The following TTC13 variants were observed in gnomAD, a reference collection of about 807,000 sequenced individuals.
TTC13 encodes tetratricopeptide repeat protein 13.
In TTC13, 62 loss-of-function variants were observed where a neutral mutation model predicts 120.0. The ratio of observed to expected loss-of-function variants is 0.52; its 90% CI spans 0.42 to 0.64. The LOEUF is 0.64. Ranked by LOEUF, TTC13 falls within the 30% of genes least tolerant of loss-of-function variation. TTC13 has a pLI of 0.00. For missense variants in TTC13, 824 were observed against 1,050.2 expected (o/e 0.78, Z 2.98); for synonymous variants, 384 against 393.5 (o/e 0.98, Z 0.28).
chr1:230,945,575 C>A, intron 4 of TTC13, 121 bp from the exon 5 acceptor site: 1 of 858,812 alleles, frequency 1.2e-6, no homozygotes, highest in Non-Finnish European at 2.0e-6. Context: ...GCTACGACCA[C>A]TCGTAAGTCA....
At chr1:230,977,166 G>A (rs1201083403) in intron 1 of TTC13, among the ~76,000 whole-genome samples, 1 of 152,138 alleles carries the variant, frequency 6.6e-6, no homozygotes, top group Admixed American at 6.5e-5. Context: ...CATCTAATGA[G>A]GTGGTTATTG....
intron 4 of TTC13, among the ~76,000 whole-genome samples, chr1:230,948,079 T>C (rs1301805042): frequency 6.6e-6 from 1 of 152,230 alleles, no homozygotes; most frequent in Non-Finnish European, 1.5e-5. Flanking sequence ...GTTATCTTTC[T>C]AACACTAAAG....
intron 8 of TTC13, among the ~76,000 whole-genome samples, chr1:230,935,587 C>G (rs1005064205): frequency 6.6e-6 from 1 of 151,864 alleles, no homozygotes; most frequent in Non-Finnish European, 1.5e-5. Context: ...TGGGTGGGTG[C>G]AGTGGAGAGG....
intron 11 of TTC13, among the ~76,000 whole-genome samples, chr1:230,929,439 C>T (rs1673345838): frequency 6.6e-6 from 1 of 151,788 alleles, no homozygotes; most frequent in Non-Finnish European, 1.5e-5. Context: ...CTCGGCCTCC[C>T]GAGTAGCTGG....
chr1:230,959,401 G>A (rs1472405260), intron 2 of TTC13, among the ~76,000 whole-genome samples: 1 of 148,870 alleles, frequency 6.7e-6, no homozygotes, highest in South Asian at 2.1e-4. Flanking sequence ...TTTTTTTTGA[G>A]ACAAAGTTTC....
intron 1 of TTC13, among the ~76,000 whole-genome samples, chr1:230,964,536 T>C (rs1676949589): frequency 6.6e-6 from 1 of 152,216 alleles, no homozygotes; most frequent in Non-Finnish European, 1.5e-5. Flanking sequence ...TATCCTTTGC[T>C]CATTTTTAAG....
chr1:230,954,067 C>T (rs928429963), intron 4 of TTC13, among the ~76,000 whole-genome samples: 1 of 151,966 alleles, frequency 6.6e-6, no homozygotes, highest in Non-Finnish European at 1.5e-5. Flanking sequence ...ATTTGATGGT[C>T]GGGAGACTAT....
At chr1:230,969,181 G>A (rs1381808082) in intron 1 of TTC13, among the ~76,000 whole-genome samples, 1 of 152,068 alleles carries the variant, frequency 6.6e-6, no homozygotes, top group East Asian at 1.9e-4. Flanking sequence ...AGAATGGCGT[G>A]AACCTGGGAG....
intron 20 of TTC13, 88 bp from the exon 21 acceptor site, chr1:230,909,108 G>A: frequency 9.9e-6 from 11 of 1,106,828 alleles, no homozygotes; most frequent in Non-Finnish European, 1.5e-5. Flanking sequence ...CATCATGAAA[G>A]ATAAAATTTA....
chr1:230,910,331 C>A (rs149350599), intron 20 of TTC13, among the ~76,000 whole-genome samples: 4 of 152,180 alleles, frequency 2.6e-5, no homozygotes, highest in Non-Finnish European at 5.9e-5. Flanking sequence ...CGGAAGAGAG[C>A]GGTGCTGCAG....
In TTC13 at chr1:230,928,969, G is replaced by T. The variant is rs763263774; in HGVS notation, c.1425C>A (p.Tyr475Ter). Residue 475 changes from tyrosine (Y) to a stop codon, truncating the protein, a stop_gained, in exon 12 of 23, where the codon TAC (tyrosine) becomes TAA (stop). Transcript: ENST00000366661. LOFTEE classifies it high-confidence loss of function. ...GGGGTTGCAACCCTGGCTGCTCTTC[G>T]TAGTCTTCTATGAGGAAAGGCAAAT... is the stretch of plus-strand genomic sequence containing the variant. ...AKNLPFLIED[Y>*]EEQPGLQPHI... 1.2e-6 allele frequency: 2 copies of T among 1,614,008 alleles called. No individual in the cohort carries two copies. Among genetic ancestry groups the T allele is most frequent in the Non-Finnish European group, 1.7e-6 (2 of 1,179,954 alleles).
At chr1:230,923,015 T>TA (rs937684175) in intron 15 of TTC13, among the ~76,000 whole-genome samples, 28 of 152,178 alleles carry the variant, frequency 1.8e-4, no homozygotes, top group African/African-American at 6.3e-4. Flanking sequence ...TTCTAGAAAT[T>TA]AAAAAAATAA....
intron 18 of TTC13, among the ~76,000 whole-genome samples, chr1:230,913,590 A>G (rs1223392021): frequency 6.6e-6 from 1 of 152,196 alleles, no homozygotes; most frequent in Non-Finnish European, 1.5e-5. Flanking sequence ...CCTGGCCTCA[A>G]TCTTCCCATC....
chr1:230,921,182 A>C (rs1265558337), intron 16 of TTC13, among the ~76,000 whole-genome samples: 1 of 152,248 alleles, frequency 6.6e-6, no homozygotes, highest in African/African-American at 2.4e-5. Flanking sequence ...TATAGAAGAA[A>C]GAGACTAGAA....
At chr1:230,967,197 A>C (rs1442757655) in intron 1 of TTC13, among the ~76,000 whole-genome samples, 1 of 152,130 alleles carries the variant, frequency 6.6e-6, no homozygotes, top group Non-Finnish European at 1.5e-5. Context: ...AAACTTCCAA[A>C]AAGTACTCAA....
At chr1:230,974,970 T>C (rs1288165316) in intron 1 of TTC13, among the ~76,000 whole-genome samples, 1 of 152,222 alleles carries the variant, frequency 6.6e-6, no homozygotes. Flanking sequence ...TATACTAATA[T>C]GCAACAATTA....
At chr1:230,930,818 T>C (rs988016209) in intron 11 of TTC13, among the ~76,000 whole-genome samples, 12 of 152,116 alleles carry the variant, frequency 7.9e-5, no homozygotes, top group Non-Finnish European at 1.3e-4. Context: ...CTCGGGAGGC[T>C]GAGGCAGGAG....
intron 17 of TTC13, among the ~76,000 whole-genome samples, chr1:230,917,689 G>A (rs1672170740): frequency 1.3e-5 from 2 of 152,016 alleles, no homozygotes; most frequent in South Asian, 4.1e-4. Flanking sequence ...CACACCGAGA[G>A]GCACACTGAG....
At chr1:230,913,405 G>C (rs1423675960) in intron 18 of TTC13, among the ~76,000 whole-genome samples, 1 of 152,174 alleles carries the variant, frequency 6.6e-6, no homozygotes, top group Non-Finnish European at 1.5e-5. Context: ...TACCACCCAG[G>C]CTGGAGAGCA....
Sources: allele counts gnomAD v4.1 joint callset (sites outside exome capture counted in the v4.1 genomes callset), GRCh38; gene constraint gnomAD v4.1.1; transcripts MANE v1.5; gene names NCBI Gene and HGNC (gene_info 2026-07-23, HGNC 2026-07-21).